LTBP1: variants seen among roughly 807,000 people sequenced by gnomAD.
The protein encoded by LTBP1 is latent transforming growth factor beta binding protein 1.
LTBP1 carries 129 observed loss-of-function variants against 207.6 expected under a neutral mutation model. That is an observed-to-expected ratio of 0.62 (90% CI 0.54 to 0.72). The LOEUF (loss-of-function observed/expected upper bound fraction) is 0.72, where lower values mean the gene tolerates loss of function less well. Ranked by LOEUF, LTBP1 falls within the 30% of genes least tolerant of loss-of-function variation. LTBP1 has a pLI of 0.00. For synonymous variants in LTBP1, 963 were observed against 833.7 expected, an observed-to-expected ratio of 1.16 and a Z score of -2.67; for missense variants, 2,281 against 2,217.2, an observed-to-expected ratio of 1.03 and a Z score of -0.58.
intron 9 of LTBP1, among the ~76,000 whole-genome samples, chr2:33,236,584 C>T (rs938552112): frequency 3.3e-5 from 5 of 152,192 alleles, no homozygotes; most frequent in Non-Finnish European, 7.3e-5. Context: ...ATTTTATTAA[C>T]TCTTCCTCAG....
chr2:33,228,450 A>C (rs969694690), intron 9 of LTBP1, among the ~76,000 whole-genome samples: 5 of 152,286 alleles, frequency 3.3e-5, no homozygotes, highest in African/African-American at 1.2e-4. Context: ...TGCAGGAATT[A>C]AACCAAGGTA....
In LTBP1 at chr2:33,398,358, T is replaced by C. The variant is rs2095379057; in HGVS notation, c.4985-6T>C. ...TTGTTTACCTGCATGGCTTGACTTATTGCAGATGTAAATGAATGCGATGAG... is the reference window on the plus strand; with the variant it reads ...TTGTTTACCTGCATGGCTTGACTTACTGCAGATGTAAATGAATGCGATGAG... On this transcript the variant is annotated splice_polypyrimidine_tract_variant and splice_region_variant and intron_variant, in intron 33 of 33. Transcript: ENST00000404816. 1.9e-6 allele frequency: 3 copies of C among 1,612,580 alleles called. No individual in the cohort carries two copies. The highest frequency in any genetic ancestry group is 2.5e-6 in the Non-Finnish European group (3 of 1,179,102).
At chr2:33,391,089 G>A (rs771854069) in intron 32 of LTBP1, among the ~76,000 whole-genome samples, 10 of 144,786 alleles carry the variant, frequency 6.9e-5, no homozygotes, top group Non-Finnish European at 1.3e-4. Context: ...TTTTTTGAAG[G>A]ATGTAGTGTA....
At chr2:33,103,209 A>G (rs1292326807) in intron 3 of LTBP1, among the ~76,000 whole-genome samples, 8 of 149,196 alleles carry the variant, frequency 5.4e-5, no homozygotes, top group Non-Finnish European at 7.4e-5. Flanking sequence ...TGCAGTCTCT[A>G]TGTTGTATAT....
intron 23 of LTBP1, among the ~76,000 whole-genome samples, chr2:33,313,715 CCATT>C (rs1249430138): frequency 1.3e-5 from 2 of 152,190 alleles, no homozygotes; most frequent in Admixed American, 6.5e-5. Context: ...TCACCAGTCA[CCATT>C]CAGTTAGCGG....
chr2:33,193,112 T>C (rs569574017), intron 7 of LTBP1, among the ~76,000 whole-genome samples: 40 of 152,248 alleles, frequency 2.6e-4, no homozygotes, highest in African/African-American at 8.2e-4. Context: ...GTAATAGTAT[T>C]GGGATTATGT....
At chr2:33,386,977 C>T (rs745384207) in intron 31 of LTBP1, among the ~76,000 whole-genome samples, 2 of 152,076 alleles carry the variant, frequency 1.3e-5, no homozygotes, top group Non-Finnish European at 2.9e-5. Flanking sequence ...ACTATAGGTA[C>T]GTGCCACCAT....
At chr2:33,033,859 T>G (rs2075797216) in intron 3 of LTBP1, among the ~76,000 whole-genome samples, 1 of 152,200 alleles carries the variant, frequency 6.6e-6, no homozygotes, top group African/African-American at 2.4e-5. Context: ...TTGGTGCTAT[T>G]TTGCGTATGG....
intron 2 of LTBP1, among the ~76,000 whole-genome samples, chr2:32,979,630 TGAG>T (rs978765077): frequency 1.3e-5 from 2 of 152,164 alleles, no homozygotes; most frequent in African/African-American, 4.8e-5. Context: ...GTCCATGAGC[TGAG>T]GAGAAGAATG....
intron 24 of LTBP1, among the ~76,000 whole-genome samples, chr2:33,334,931 A>AAAAAG (rs936727314): frequency 1.3e-5 from 2 of 149,578 alleles, no homozygotes; most frequent in Non-Finnish European, 3.0e-5. Flanking sequence ...AAAAAAAAAA[A>AAAAAG]TGCCAGGCAT....
At chr2:33,337,962 G>T (rs781413524) in intron 24 of LTBP1, among the ~76,000 whole-genome samples, 9 of 152,044 alleles carry the variant, frequency 5.9e-5, no homozygotes, top group Non-Finnish European at 1.2e-4. Flanking sequence ...GTATATACGG[G>T]ACTAACAATG....
At position 32,947,188 on chromosome 2, in the gene LTBP1, C is replaced by A; in HGVS notation, c.-137C>A. On this transcript the variant is annotated 5_prime_UTR_variant, in exon 1 of 34. Coordinates refer to ENST00000404816, the MANE Select transcript of LTBP1 (RefSeq NM_206943.4). ...GCCCGCAGAGCCTCCTCCCTCGCCA[C>A]CGACTTGGTCTCCTCCCGCCTTTCC... 1 of 579,488 alleles carries A rather than the reference C, an allele frequency of 1.7e-6. No homozygotes were observed. The highest frequency in any genetic ancestry group is 2.5e-6 in the Non-Finnish European group (1 of 401,288). The allele number at this position is 579,488 out of a possible 1,614,324, so 35.9% of individuals were successfully genotyped here.
At chr2:33,160,856 T>C (rs1445539952) in intron 5 of LTBP1, among the ~76,000 whole-genome samples, 1 of 152,120 alleles carries the variant, frequency 6.6e-6, no homozygotes, top group Non-Finnish European at 1.5e-5. Flanking sequence ...AGAACTATGA[T>C]AGGTTAATAA....
intron 5 of LTBP1, among the ~76,000 whole-genome samples, chr2:33,149,239 A>AAAG (rs1398235584): frequency 1.3e-4 from 19 of 144,944 alleles, no homozygotes; most frequent in African/African-American, 4.7e-4. Context: ...AAAAAAAAAA[A>AAAG]AAAAAAAAAA....
intron 7 of LTBP1, among the ~76,000 whole-genome samples, chr2:33,189,135 C>T (rs929201503): frequency 6.6e-6 from 1 of 152,102 alleles, no homozygotes. Context: ...TGTCTTTTTA[C>T]AGAAAAAGCT....
chr2:33,356,862 A>G (rs952684000), intron 26 of LTBP1, among the ~76,000 whole-genome samples: 1 of 152,214 alleles, frequency 6.6e-6, no homozygotes, highest in Non-Finnish European at 1.5e-5. Context: ...TTTACTGAAC[A>G]TCATCACACA....
intron 3 of LTBP1, among the ~76,000 whole-genome samples, chr2:33,023,116 C>G (rs2075254538): frequency 2.0e-5 from 3 of 152,120 alleles, no homozygotes; most frequent in Admixed American, 6.6e-5. Flanking sequence ...TAGACATCTC[C>G]CTTCCAACAT....
intron 22 of LTBP1, among the ~76,000 whole-genome samples, chr2:33,306,415 C>T (rs1442858168): frequency 6.6e-6 from 1 of 151,794 alleles, no homozygotes; most frequent in African/African-American, 2.4e-5. Context: ...ACTAAAAATA[C>T]AAAAATTAGC....
intron 2 of LTBP1, among the ~76,000 whole-genome samples, chr2:32,993,105 A>C (rs1281106872): frequency 6.6e-6 from 1 of 152,114 alleles, no homozygotes; most frequent in Non-Finnish European, 1.5e-5. Context: ...GCTGGGCCTT[A>C]GGAGTGAGCC....
Sources: gnomAD v4.1 joint callset for allele counts (sites outside exome capture counted in the v4.1 genomes callset) on GRCh38, gnomAD v4.1.1 for gene constraint, MANE v1.5 for transcripts, NCBI Gene and HGNC (gene_info 2026-07-23, HGNC 2026-07-21) for gene names.